Variants in TMEFF2 observed in about 807,000 individuals in gnomAD.
The protein encoded by TMEFF2 is tomoregulin-2.
In TMEFF2, 28 loss-of-function variants were observed where a neutral mutation model predicts 53.8. That is an observed-to-expected ratio of 0.52 (90% CI 0.39 to 0.71). The LOEUF (loss-of-function observed/expected upper bound fraction) is 0.71, where lower values mean the gene tolerates loss of function less well. Ranked by LOEUF, TMEFF2 falls within the 30% of genes least tolerant of loss-of-function variation. The probability of loss-of-function intolerance (pLI) is 0.00; values close to 1 mark genes in which losing one functional copy is unlikely to be tolerated. For missense variants in TMEFF2, 353 were observed against 455.2 expected, an observed-to-expected ratio of 0.78 and a Z score of 2.04; for synonymous variants, 162 against 166.3, an observed-to-expected ratio of 0.97 and a Z score of 0.20.
rs528726210 is a variant in TMEFF2 at position 192,194,876 on chromosome 2, G to A, written c.-352C>T. On this transcript the variant is annotated 5_prime_UTR_variant, in exon 1 of 10. Transcript: ENST00000272771. This position sits in a 1 kb window ranked among gnomAD's most constrained non-coding sequence, Gnocchi z 4.2. The stretch of plus-strand genomic sequence containing the variant: ...CCCGAGGAGGCAGGGTGGAGGGAGA[G>A]TCAAGGCGCCCCGCAGCCCGGCAGC... The A allele has an allele frequency of 7.9e-6, 2 of 252,016 alleles. No individual in the cohort carries two copies. Among genetic ancestry groups the A allele is most frequent in the East Asian group, 2.1e-4 (2 of 9,710 alleles). 15.6% of individuals were successfully genotyped at this position (252,016 alleles called of 1,614,324 possible). A position where few individuals can be genotyped will look rare whatever the true frequency, so the allele number is the denominator to read the frequency against.
intron 4 of TMEFF2, among the ~76,000 whole-genome samples, chr2:192,066,048 TA>T (rs1688162090): frequency 6.6e-6 from 1 of 151,710 alleles, no homozygotes; most frequent in South Asian, 2.1e-4. Flanking sequence ...TAACATTTTC[TA>T]AATTTTCCCT....
intron 5 of TMEFF2, among the ~76,000 whole-genome samples, chr2:192,020,121 G>T (rs147889682): frequency 6.6e-5 from 10 of 152,048 alleles, no homozygotes; most frequent in Admixed American, 1.3e-4. Flanking sequence ...GTTCTGAATT[G>T]TAAGTTTTTC....
intron 7 of TMEFF2, among the ~76,000 whole-genome samples, chr2:191,963,717 T>C (rs1057160638): frequency 6.6e-6 from 1 of 152,234 alleles, no homozygotes; most frequent in Non-Finnish European, 1.5e-5. Flanking sequence ...CACTATGCTA[T>C]GTGTTGTGTA....
chr2:191,950,505 A>T (rs749072643), intron 9 of TMEFF2, 98 bp from the exon 10 acceptor site: 1 of 1,473,298 alleles, frequency 6.8e-7, no homozygotes, highest in Admixed American at 1.7e-5. Context: ...GCAAATTATT[A>T]AAATATTTCA....
chr2:192,157,097 T>A (rs1441404790), intron 4 of TMEFF2, among the ~76,000 whole-genome samples: 1 of 152,040 alleles, frequency 6.6e-6, no homozygotes, highest in Admixed American at 6.6e-5. Flanking sequence ...AATATTGTGA[T>A]TTAGGGAAAT....
chr2:192,060,142 C>A (rs1688009549), intron 4 of TMEFF2, among the ~76,000 whole-genome samples: 1 of 151,732 alleles, frequency 6.6e-6, no homozygotes, highest in South Asian at 2.1e-4. Flanking sequence ...TACAGACTAT[C>A]TCCGAGGAAG....
intron 4 of TMEFF2, among the ~76,000 whole-genome samples, chr2:192,140,523 G>T (rs545425684): frequency 6.6e-6 from 1 of 152,056 alleles, no homozygotes; most frequent in Admixed American, 6.6e-5. Context: ...CACATTGAAA[G>T]AAATAGACTG....
intron 5 of TMEFF2, chr2:192,021,911 T>C (rs1287203078): frequency 2.0e-5 from 3 of 152,246 alleles, no homozygotes; most frequent in Admixed American, 6.5e-5. Flanking sequence ...ATTGTTCCAT[T>C]GTTGCCTGGA....
chr2:191,987,801 T>C (rs962132921), intron 7 of TMEFF2, among the ~76,000 whole-genome samples: 1 of 152,166 alleles, frequency 6.6e-6, no homozygotes, highest in Non-Finnish European at 1.5e-5. Context: ...AAATTAAAAA[T>C]ATGATTATCC....
chr2:192,134,992 C>A (rs1170019274), intron 4 of TMEFF2, among the ~76,000 whole-genome samples: 2 of 152,214 alleles, frequency 1.3e-5, no homozygotes, highest in Admixed American at 1.3e-4. Context: ...AGAAGTCAGA[C>A]CTGTCCTCAG....
chr2:192,095,450 G>A (rs1345718269), intron 4 of TMEFF2, among the ~76,000 whole-genome samples: 1 of 152,038 alleles, frequency 6.6e-6, no homozygotes, highest in East Asian at 1.9e-4. Context: ...ACAAAGCAAG[G>A]CCCTCATCTC....
At chr2:191,987,368 A>G (rs1023447503) in intron 7 of TMEFF2, among the ~76,000 whole-genome samples, 1 of 151,730 alleles carries the variant, frequency 6.6e-6, no homozygotes, top group African/African-American at 2.4e-5. Context: ...TGTTATAGAC[A>G]TCGAAAGTTG....
At chr2:192,192,802 G>A (rs1454952723) in intron 1 of TMEFF2, among the ~76,000 whole-genome samples, 3 of 152,132 alleles carry the variant, frequency 2.0e-5, no homozygotes, top group Admixed American at 6.5e-5. Flanking sequence ...GTTTTTGCAG[G>A]CTCATAATTA....
In TMEFF2 at chr2:191,957,068, A is replaced by T. The variant is rs147768889; in HGVS notation, c.746-690T>A. ...GGCCTGTATTAACAATGCTATGTGAAACCTAAACTTACGATAACGAATAAA... is the reference window on the plus strand; with the variant it reads ...GGCCTGTATTAACAATGCTATGTGATACCTAAACTTACGATAACGAATAAA... On this transcript the variant is annotated intron_variant, in intron 7 of 9. Coordinates refer to ENST00000272771, the MANE Select transcript of TMEFF2 (RefSeq NM_016192.4). Among the ~76,000 whole-genome samples the T allele has an allele frequency of 5.9e-4, 90 of 152,348 alleles. 1 individual carries two copies. In the East Asian group the frequency reaches 0.012, roughly 20 times the overall value.
intron 7 of TMEFF2, among the ~76,000 whole-genome samples, chr2:191,972,010 G>A (rs1029709848): frequency 6.6e-6 from 1 of 152,146 alleles, no homozygotes; most frequent in Non-Finnish European, 1.5e-5. Context: ...GCAGGAAAGA[G>A]GTGTTCCAGG....
chr2:192,048,181 A>C (rs1344611707), intron 5 of TMEFF2, among the ~76,000 whole-genome samples: 2 of 152,090 alleles, frequency 1.3e-5, no homozygotes, highest in Non-Finnish European at 2.9e-5. Flanking sequence ...AGAAGTGCTG[A>C]AAATTTAGAA....
At chr2:192,158,494 G>T (rs1690558953) in intron 4 of TMEFF2, among the ~76,000 whole-genome samples, 1 of 152,032 alleles carries the variant, frequency 6.6e-6, no homozygotes, top group Non-Finnish European at 1.5e-5. Flanking sequence ...ATATTCAGTA[G>T]AAAATAATAT....
chr2:192,076,852 C>A (rs1688443840), intron 4 of TMEFF2, among the ~76,000 whole-genome samples: 3 of 152,160 alleles, frequency 2.0e-5, no homozygotes, highest in Non-Finnish European at 1.5e-5. Context: ...AAAGTCTGCA[C>A]AGGAAGTGCT....
Position 192,194,303 on chromosome 2 carries a change from C to A in TMEFF2, c.172+50G>T. On this transcript the variant is annotated intron_variant, in intron 1 of 9. Coordinates refer to ENST00000272771, the MANE Select transcript of TMEFF2 (RefSeq NM_016192.4). The surrounding 1 kb of genome is among the most constrained non-coding windows in gnomAD (Gnocchi z 4.2). The stretch of plus-strand genomic sequence containing the variant: ...GGTAGGCTGGTCTGTGCTGGATACG[C>A]GTGTTCTTCTGCGGAGTTAAAGGGT... The A allele has an allele frequency of 6.2e-7, 1 of 1,603,728 alleles. No homozygotes were observed. Among genetic ancestry groups the A allele is most frequent in the African/African-American group, 1.3e-5 (1 of 74,898 alleles).
Sources: allele counts gnomAD v4.1 joint callset (sites outside exome capture counted in the v4.1 genomes callset), GRCh38; gene constraint gnomAD v4.1.1; non-coding constraint Gnocchi (gnomAD v3.1); transcripts MANE v1.5; gene names NCBI Gene and HGNC (gene_info 2026-07-23, HGNC 2026-07-21).